Variants in ADRA1A observed in about 807,000 individuals in gnomAD.
ADRA1A encodes adrenoceptor alpha 1A.
Under a neutral mutation model 29.6 loss-of-function variants are expected in ADRA1A, and 31 were observed. The observed-to-expected ratio is 1.05, with a 90% confidence interval of 0.79 to 1.41. The LOEUF (loss-of-function observed/expected upper bound fraction) is 1.41. Among genes scored for constraint, ADRA1A ranks in the 40% most tolerant of loss-of-function variants. The probability of loss-of-function intolerance (pLI) is 0.00; values close to 1 mark genes in which losing one functional copy is unlikely to be tolerated. For missense variants in ADRA1A, 619 were observed against 601.1 expected (o/e 1.03, Z -0.31); for synonymous variants, 311 against 254.3 (o/e 1.22, Z -2.12).
chr8:26,862,466 G>A (rs146882307), intron 2 of ADRA1A, among the ~76,000 whole-genome samples: 6 of 152,248 alleles, frequency 3.9e-5, no homozygotes, highest in East Asian at 1.9e-4. Context: ...AAATACAACC[G>A]TCTCATTGGC....
chr8:26,799,665 G>A (rs1340121140), intron 2 of ADRA1A, among the ~76,000 whole-genome samples: 2 of 152,168 alleles, frequency 1.3e-5, no homozygotes, highest in Admixed American at 6.5e-5. Context: ...TATGGAACAA[G>A]CTCTCTACTG....
At chr8:26,858,386 T>A (rs1027061349) in intron 2 of ADRA1A, among the ~76,000 whole-genome samples, 4 of 152,266 alleles carry the variant, frequency 2.6e-5, no homozygotes, top group African/African-American at 4.8e-5. Flanking sequence ...CATGGCAACA[T>A]CTGCATGTTG....
In ADRA1A at chr8:26,864,846, G is replaced by A; in HGVS notation, c.124C>T (p.Leu42=). Residue 42 remains leucine (L), a synonymous_variant, in exon 2 of 3, where the codon CTG becomes TTG. Transcript: ENST00000380573. This position sits in a 1 kb window ranked among gnomAD's most constrained non-coding sequence, Gnocchi z 8.1. ...ILGGLILFGV[L]GNILVILSVA... ...GAGAGGATCACTAGGATGTTACCCAGCACCCCGAAAAGAATGAGGCCCCCC... is the reference window on the plus strand; with the variant it reads ...GAGAGGATCACTAGGATGTTACCCAACACCCCGAAAAGAATGAGGCCCCCC... The A allele has an allele frequency of 6.2e-7, 1 of 1,614,142 alleles. No homozygotes were observed. The highest frequency in any genetic ancestry group is 8.5e-7 in the Non-Finnish European group (1 of 1,180,026).
intron 2 of ADRA1A, among the ~76,000 whole-genome samples, chr8:26,771,274 A>G (rs1806122349): frequency 6.6e-6 from 1 of 152,208 alleles, no homozygotes; most frequent in Admixed American, 6.5e-5. Context: ...CTTTGTCAAT[A>G]TCCCTCGATG....
chr8:26,820,789 T>C lies in ADRA1A; in HGVS notation c.883+43298A>G, dbSNP rs138079320. Reference sequence around the variant, plus strand: ...ATATATCTAGTCACATTTAAAAAAATAGAATTTATTTTGAGTTAATTGTAG... The same window carrying C: ...ATATATCTAGTCACATTTAAAAAAACAGAATTTATTTTGAGTTAATTGTAG... On this transcript the variant is annotated intron_variant, in intron 2 of 2. Transcript: ENST00000380573. Among the ~76,000 whole-genome samples the C allele has an allele frequency of 2.1e-3, 314 of 152,324 alleles. 2 individuals carry two copies. Among genetic ancestry groups the C allele is most frequent in the African/African-American group, 6.7e-3 (280 of 41,564 alleles).
Position 26,806,663 on chromosome 8 carries a change from G to C in ADRA1A, c.884-35997C>G, listed in dbSNP as rs1160445433. ...ATGGAACCTCTCTAATCGCCAGAGA[G>C]TCCGAGGTTTCTCCCTAAGTCTCTT... On this transcript the variant is annotated intron_variant, in intron 2 of 2. Transcript: ENST00000380573. The surrounding 1 kb of genome is among the most constrained non-coding windows in gnomAD (Gnocchi z 4.6). Among the ~76,000 whole-genome samples the C allele has an allele frequency of 1.3e-5, 2 of 152,190 alleles. No individual in the cohort carries two copies.
intron 2 of ADRA1A, among the ~76,000 whole-genome samples, chr8:26,774,477 T>G (rs944802797): frequency 7.2e-5 from 11 of 152,180 alleles, no homozygotes; most frequent in African/African-American, 2.7e-4. Flanking sequence ...GAGACCAGCC[T>G]GGGCAACATG....
chr8:26,808,499 T>A (rs1809157380), intron 2 of ADRA1A, among the ~76,000 whole-genome samples: 3 of 152,336 alleles, frequency 2.0e-5, no homozygotes, highest in Admixed American at 2.0e-4. Context: ...ATCTTGGCAA[T>A]TCTTAGGACT....
chr8:26,789,662 G>T (rs1048251374), intron 2 of ADRA1A, among the ~76,000 whole-genome samples: 3 of 152,008 alleles, frequency 2.0e-5, no homozygotes, highest in African/African-American at 7.2e-5. Flanking sequence ...ATAGACAAAC[G>T]GGATTATATC....
Position 26,776,247 on chromosome 8 carries a change from G to A in ADRA1A, c.884-5581C>T, listed in dbSNP as rs1332776198. Among the ~76,000 whole-genome samples the A allele has an allele frequency of 2.0e-5, 3 of 152,212 alleles. No individual in the cohort carries two copies. The East Asian group carries it at 5.8e-4, about 29-fold the overall frequency. On this transcript the variant is annotated intron_variant, in intron 2 of 2. Coordinates refer to ENST00000380573, the MANE Select transcript of ADRA1A (RefSeq NM_000680.4). ...CCTATCCAGCACTGGTCATTAGGGG[G>A]TTCCTCCTTAGTTCAACTGTTTCTC...
intron 2 of ADRA1A, among the ~76,000 whole-genome samples, chr8:26,820,790 A>G (rs969379998): frequency 2.6e-5 from 4 of 152,234 alleles, no homozygotes; most frequent in Admixed American, 1.3e-4. Context: ...TTAAAAAAAT[A>G]GAATTTATTT....
rs962990622 is a variant in ADRA1A, at chr8:26,787,363, T to C, written c.884-16697A>G. Among the ~76,000 whole-genome samples, 3 of 152,154 alleles carry C rather than the reference T, an allele frequency of 2.0e-5. No homozygotes were observed. The highest frequency in any genetic ancestry group is 2.0e-4 in the Admixed American group (3 of 15,282). On this transcript the variant is annotated intron_variant, in intron 2 of 2. Coordinates refer to ENST00000380573, the MANE Select transcript of ADRA1A (RefSeq NM_000680.4). This position sits in a 1 kb window ranked among gnomAD's most constrained non-coding sequence, Gnocchi z 4.2. ...AATAAAATTCTCGAATGTTAATAAT[T>C]AGGTTTGTTCAGAATAGACATGTTT...
At chr8:26,844,577 T>C (rs188167616) in intron 2 of ADRA1A, among the ~76,000 whole-genome samples, 1 of 152,298 alleles carries the variant, frequency 6.6e-6, no homozygotes, top group East Asian at 1.9e-4. Context: ...ATGAACTCAT[T>C]TATCTATGAT....
intron 2 of ADRA1A, among the ~76,000 whole-genome samples, chr8:26,803,861 T>C (rs1044092276): frequency 2.4e-4 from 36 of 150,766 alleles, no homozygotes; most frequent in African/African-American, 8.5e-4. Flanking sequence ...AAAAGCGTAA[T>C]GAGATACTAC....
intron 2 of ADRA1A, among the ~76,000 whole-genome samples, chr8:26,849,197 G>A (rs552879711): frequency 3.3e-5 from 5 of 152,262 alleles, no homozygotes; most frequent in South Asian, 2.1e-4. Flanking sequence ...ATGAATCCTC[G>A]GTTCACATCA....
intron 2 of ADRA1A, among the ~76,000 whole-genome samples, chr8:26,843,424 T>A (rs1202709676): frequency 6.6e-6 from 1 of 152,162 alleles, no homozygotes; most frequent in African/African-American, 2.4e-5. Context: ...ATTCCTCTCA[T>A]TTGTCCACTT....
chr8:26,779,572 T>C (rs61760544), intron 2 of ADRA1A: 17 of 567,196 alleles, frequency 3.0e-5, no homozygotes, highest in Non-Finnish European at 4.6e-5. Flanking sequence ...GGTGGAGAGA[T>C]GGCCAGAAGG....
At chr8:26,852,555 T>C (rs903205545) in intron 2 of ADRA1A, among the ~76,000 whole-genome samples, 1 of 152,004 alleles carries the variant, frequency 6.6e-6, no homozygotes, top group Non-Finnish European at 1.5e-5. Flanking sequence ...CATGTAGAAG[T>C]CTATGCTAAA....
rs768627895 is a variant in ADRA1A at position 26,864,852 on chromosome 8, C to G, written c.118G>C (p.Gly40Arg). The change falls in exon 2 of 3, where the codon GGG (glycine) becomes CGG (arginine). Residue 40 changes from glycine to arginine, a missense_variant. Transcript: ENST00000380573. This position sits in a 1 kb window ranked among gnomAD's most constrained non-coding sequence, Gnocchi z 8.1. ...GVILGGLILF[G>R]VLGNILVILS... ...ATCACTAGGATGTTACCCAGCACCC[C>G]GAAAAGAATGAGGCCCCCCAAGATC... 1.2e-6 allele frequency: 2 copies of G among 1,614,042 alleles called. No individual in the cohort carries two copies. The highest frequency in any genetic ancestry group is 2.2e-5 in the South Asian group (2 of 91,060).
Sources: allele counts gnomAD v4.1 joint callset (sites outside exome capture counted in the v4.1 genomes callset), GRCh38; gene constraint gnomAD v4.1.1; non-coding constraint Gnocchi (gnomAD v3.1); transcripts MANE v1.5; gene names NCBI Gene and HGNC (gene_info 2026-07-23, HGNC 2026-07-21).